The following ITFG1 variants were observed in gnomAD, a reference collection of about 807,000 sequenced individuals.
ITFG1 encodes the protein T-cell immunomodulatory protein.
ITFG1 carries 34 observed loss-of-function variants against 81.8 expected under a neutral mutation model. The ratio of observed to expected loss-of-function variants is 0.42; its 90% confidence interval spans 0.32 to 0.55. The LOEUF is 0.55. Ranked by LOEUF, ITFG1 falls within the 20% of genes least tolerant of loss-of-function variation. The probability of loss-of-function intolerance (pLI) is 0.17; values close to 1 mark genes in which losing one functional copy is unlikely to be tolerated. For synonymous variants in ITFG1, 285 were observed against 270.6 expected, an observed-to-expected ratio of 1.05 and a Z score of -0.52; for missense variants, 672 against 755.4, an observed-to-expected ratio of 0.89 and a Z score of 1.29.
At chr16:47,318,164 A>T (rs1187138404) in intron 8 of ITFG1, among the ~76,000 whole-genome samples, 1 of 152,236 alleles carries the variant, frequency 6.6e-6, no homozygotes, top group African/African-American at 2.4e-5. Flanking sequence ...TCCAGTGGCA[A>T]CCACCATAGC....
chr16:47,368,237 T>TAA (rs1197857958), intron 7 of ITFG1, among the ~76,000 whole-genome samples: 37 of 78,010 alleles, frequency 4.7e-4, no homozygotes, highest in South Asian at 7.8e-4. Context: ...CCGTCTCAAT[T>TAA]AAAAAAAAAA....
At chr16:47,409,713 G>A (rs570520150) in intron 6 of ITFG1, among the ~76,000 whole-genome samples, 1 of 150,710 alleles carries the variant, frequency 6.6e-6, no homozygotes, top group East Asian at 2.0e-4. Flanking sequence ...CACTGCACCT[G>A]ACCCCACAAA....
intron 8 of ITFG1, among the ~76,000 whole-genome samples, chr16:47,349,906 T>C (rs1266472014): frequency 6.6e-6 from 1 of 152,194 alleles, no homozygotes; most frequent in Non-Finnish European, 1.5e-5. Context: ...ATTAAGAAAC[T>C]CACTCAAAAC....
At chr16:47,209,214 C>A (rs1965535805) in intron 14 of ITFG1, among the ~76,000 whole-genome samples, 1 of 152,076 alleles carries the variant, frequency 6.6e-6, no homozygotes, top group Admixed American at 6.6e-5. Context: ...ACTATATTTA[C>A]TAAAATGTTT....
rs35976837 is a variant in ITFG1 at position 47,170,736 on chromosome 16, C to CTTT, written c.1454-8075_1454-8073dup. 6.9e-3 allele frequency among the ~76,000 whole-genome samples: 833 copies of CTTT among 121,148 alleles called. 26 individuals carry two copies. The highest frequency in any genetic ancestry group is 0.025 in the African/African-American group (763 of 31,010). The allele number at this position is 121,148 out of a possible 152,430, so 79.5% of individuals were successfully genotyped here. ...CACATCTTTGATTCATCTAGATTAT[C>CTTT]TTTTTTTTTTTTTTTTTGAGATGGA... On this transcript the variant is annotated intron_variant, in intron 14 of 17. Transcript: ENST00000320640.
Position 47,163,138 on chromosome 16 carries a change from A to C in ITFG1, c.1454-474T>G, listed in dbSNP as rs1964835391. 3.3e-5 allele frequency among the ~76,000 whole-genome samples: 5 copies of C among 152,208 alleles called. No homozygotes were observed. The South Asian group carries it at 1.0e-3, about 31-fold the overall frequency. On this transcript the variant is annotated intron_variant, in intron 14 of 17. Transcript: ENST00000320640. ...TTTTAAAGAAAACAGCGTTACTGAG[A>C]TATAATTCACATACCATACACATCA...
At chr16:47,402,908 C>T (rs973085582) in intron 6 of ITFG1, among the ~76,000 whole-genome samples, 84 of 151,882 alleles carry the variant, frequency 5.5e-4, no homozygotes, top group African/African-American at 1.9e-3. Context: ...CTATCTGAAC[C>T]GAAGCAAGAA....
At chr16:47,359,039 G>A (rs1968076490) in intron 8 of ITFG1, among the ~76,000 whole-genome samples, 1 of 152,146 alleles carries the variant, frequency 6.6e-6, no homozygotes, top group South Asian at 2.1e-4. Flanking sequence ...AAGGTGGTAT[G>A]GGGGTGAGTC....
At chr16:47,162,780 A>C (rs2151507034) in intron 14 of ITFG1, 116 bp from the exon 15 acceptor site, 1 of 887,530 alleles carries the variant, frequency 1.1e-6, no homozygotes, top group Non-Finnish European at 1.7e-6. Context: ...ACGTTTCAAA[A>C]TGTGAAATGA....
At chr16:47,315,983 G>C (rs930332338) in intron 8 of ITFG1, among the ~76,000 whole-genome samples, 1 of 151,944 alleles carries the variant, frequency 6.6e-6, no homozygotes, top group Non-Finnish European at 1.5e-5. Flanking sequence ...TAGAGTCCGA[G>C]TTTCGCCATG....
At chr16:47,177,110 A>G (rs2151511896) in intron 14 of ITFG1, among the ~76,000 whole-genome samples, 1 of 152,032 alleles carries the variant, frequency 6.6e-6, no homozygotes, top group African/African-American at 2.4e-5. Context: ...TAGGCACATG[A>G]CATCATATCT....
At position 47,219,032 on chromosome 16, in the gene ITFG1, T is replaced by G. The variant is rs1596815085; in HGVS notation, c.1375-86A>C. 3 of 814,582 alleles carry G rather than the reference T, an allele frequency of 3.7e-6. No individual in the cohort carries two copies. In the East Asian group the frequency reaches 8.5e-5, roughly 23 times the overall value. 50.5% of individuals were successfully genotyped at this position (814,582 alleles called of 1,614,324 possible). ...GGCAAATCTCTTTCAAAGCAAAAAA[T>G]TCTTACACAGATGACAGTTACTTAG... On this transcript the variant is annotated intron_variant, in intron 13 of 17. Transcript: ENST00000320640.
intron 6 of ITFG1, among the ~76,000 whole-genome samples, chr16:47,388,839 G>A (rs1388063738): frequency 3.9e-5 from 6 of 152,128 alleles, no homozygotes; most frequent in African/African-American, 1.4e-4. Context: ...TGTGGACAGT[G>A]TACCTTATCT....
At chr16:47,176,770 T>C (rs2151511747) in intron 14 of ITFG1, among the ~76,000 whole-genome samples, 1 of 152,316 alleles carries the variant, frequency 6.6e-6, no homozygotes, top group African/African-American at 2.4e-5. Context: ...GTGTTCCAAG[T>C]ATTGATATGT....
At chr16:47,399,861 C>A (rs1968638765) in intron 6 of ITFG1, among the ~76,000 whole-genome samples, 1 of 152,126 alleles carries the variant, frequency 6.6e-6, no homozygotes, top group African/African-American at 2.4e-5. Flanking sequence ...ATTTATTTCT[C>A]TACATATGTA....
intron 12 of ITFG1, among the ~76,000 whole-genome samples, chr16:47,239,803 G>A (rs565219237): frequency 6.6e-6 from 1 of 152,116 alleles, no homozygotes; most frequent in African/African-American, 2.4e-5. Flanking sequence ...GGTAGATATT[G>A]GTACTTCTTT....
At chr16:47,375,266 C>A (rs1968308786) in intron 7 of ITFG1, among the ~76,000 whole-genome samples, 1 of 152,082 alleles carries the variant, frequency 6.6e-6, no homozygotes, top group Admixed American at 6.6e-5. Context: ...GGTCTCAGAT[C>A]CTGTCTTCTA....
intron 8 of ITFG1, 113 bp downstream of exon 8, chr16:47,365,675 T>C (rs1053612563): frequency 6.2e-6 from 4 of 642,312 alleles, no homozygotes; most frequent in African/African-American, 5.5e-5. Context: ...CTATAATAGC[T>C]CTGAAGACCC....
chr16:47,273,943 A>C (rs146480286), intron 10 of ITFG1, among the ~76,000 whole-genome samples: 1 of 152,154 alleles, frequency 6.6e-6, no homozygotes, highest in South Asian at 2.1e-4. Flanking sequence ...AAATCCATGT[A>C]CTTTAATAAC....
Sources: gnomAD v4.1 joint callset for allele counts (sites outside exome capture counted in the v4.1 genomes callset) on GRCh38, gnomAD v4.1.1 for gene constraint, MANE v1.5 for transcripts, NCBI Gene and HGNC (gene_info 2026-07-23, HGNC 2026-07-21) for gene names.